The following DYNC2H1 variants were observed in gnomAD, a reference collection of about 807,000 sequenced individuals.
DYNC2H1 encodes dynein cytoplasmic 2 heavy chain 1.
A neutral mutation model predicts 570.0 loss-of-function variants in DYNC2H1; 410 were observed. The observed-to-expected ratio is 0.72, with a 90% CI of 0.66 to 0.78. The LOEUF is 0.78. Ranked by LOEUF, DYNC2H1 falls within the 30% of genes least tolerant of loss-of-function variation. The probability of loss-of-function intolerance (pLI) is 0.00; values close to 1 mark genes in which losing one functional copy is unlikely to be tolerated. For missense variants in DYNC2H1, 4,865 were observed against 5,046.4 expected (o/e 0.96, Z 1.09); for synonymous variants, 1,688 against 1,677.6 (o/e 1.01, Z -0.15).
chr11:103,471,075 CTGT>C (rs1198609848), intron 88 of DYNC2H1, among the ~76,000 whole-genome samples: 1 of 152,134 alleles, frequency 6.6e-6, no homozygotes, highest in South Asian at 2.1e-4. Flanking sequence ...TCTCCAGCAC[CTGT>C]TGTTTCCTGA....
At chr11:103,408,671 C>T (rs1942964191) in intron 84 of DYNC2H1, among the ~76,000 whole-genome samples, 1 of 151,990 alleles carries the variant, frequency 6.6e-6, no homozygotes, top group African/African-American at 2.4e-5. Context: ...ATTAGGATGT[C>T]CTGATCCAAC....
At chr11:103,411,140 G>A (rs143282554) in intron 84 of DYNC2H1, among the ~76,000 whole-genome samples, 13 of 152,198 alleles carry the variant, frequency 8.5e-5, no homozygotes, top group East Asian at 3.9e-4. Context: ...ATACTTCAGC[G>A]TAAAGTTAAT....
intron 83 of DYNC2H1, among the ~76,000 whole-genome samples, chr11:103,389,533 C>T (rs1198140450): frequency 6.6e-6 from 1 of 152,106 alleles, no homozygotes; most frequent in African/African-American, 2.4e-5. Flanking sequence ...TTCTTGCTTT[C>T]AGCTAGCTGT....
intron 55 of DYNC2H1, among the ~76,000 whole-genome samples, chr11:103,219,261 C>T (rs982805893): frequency 3.3e-5 from 5 of 152,070 alleles, no homozygotes; most frequent in African/African-American, 7.2e-5. Context: ...CAAATATATA[C>T]AAAGATGTTC....
At position 103,166,052 on chromosome 11, in the gene DYNC2H1, T is replaced by G. The variant is rs1861292556; in HGVS notation, c.4762+4T>G. 1 of 1,498,554 alleles carries G rather than the reference T, an allele frequency of 6.7e-7. No individual in the cohort carries two copies. Among genetic ancestry groups the G allele is most frequent in the African/African-American group, 1.4e-5 (1 of 71,142 alleles). 92.8% of individuals were successfully genotyped at this position (1,498,554 alleles called of 1,614,324 possible). Reference sequence around the variant, plus strand: ...TCTGAGGATCCAGGGAATACTGGTATGGAAAAGACATTCCCTTTTCTGCCT... The same window carrying G: ...TCTGAGGATCCAGGGAATACTGGTAGGGAAAAGACATTCCCTTTTCTGCCT... On this transcript the variant is annotated splice_donor_region_variant and intron_variant, in intron 31 of 88. Coordinates refer to ENST00000375735, the MANE Select transcript of DYNC2H1 (RefSeq NM_001377.3).
In DYNC2H1 at chr11:103,334,577, C is replaced by T. The variant is rs954075978; in HGVS notation, c.12039+10587C>T. The stretch of plus-strand genomic sequence containing the variant: ...TACTTTTTAAAATAAATTCAAAGTT[C>T]AGTATTGGTATCTAATATGTAACAT... On this transcript the variant is annotated intron_variant, in intron 82 of 88. Transcript: ENST00000375735. This position sits in a 1 kb window ranked among gnomAD's most constrained non-coding sequence, Gnocchi z 4.3. Among the ~76,000 whole-genome samples, 28 of 151,840 alleles carry T rather than the reference C, an allele frequency of 1.8e-4. No individual in the cohort carries two copies. Among genetic ancestry groups the T allele is most frequent in the African/African-American group, 6.8e-4 (28 of 41,416 alleles).
chr11:103,215,791 G>A lies in DYNC2H1; in HGVS notation c.8765G>A (p.Ser2922Asn), dbSNP rs1863355533. ...CTGAACAGAAAAGCTGGAGAACAAA[G>A]TGTGTTACTTAAAACGAAGCAAGAT... Reference protein sequence around the residue: ...DELNRKAGEQSVLLKTKQDEA... With the variant: ...DELNRKAGEQNVLLKTKQDEA... The change falls in exon 55 of 89, where the codon AGT becomes AAT. Residue 2922 changes from serine (S) to asparagine (N), a missense_variant. Coordinates refer to ENST00000375735, the MANE Select transcript of DYNC2H1 (RefSeq NM_001377.3). The A allele has an allele frequency of 6.2e-7, 1 of 1,612,430 alleles. No individual in the cohort carries two copies. Among genetic ancestry groups the A allele is most frequent in the Non-Finnish European group, 8.5e-7 (1 of 1,179,104 alleles).
Position 103,120,591 on chromosome 11 carries a change from A to G in DYNC2H1, c.1134+10A>G, listed in dbSNP as rs1324659954. 1 of 1,608,038 alleles carries G rather than the reference A, an allele frequency of 6.2e-7. No individual in the cohort carries two copies. Among genetic ancestry groups the G allele is most frequent in the Non-Finnish European group, 8.5e-7 (1 of 1,177,370 alleles). ...TAATCCATATACTGAGGTTGTATATATATTTGTTTATGTCTGTACAGTTTC... is the reference window on the plus strand; with the variant it reads ...TAATCCATATACTGAGGTTGTATATGTATTTGTTTATGTCTGTACAGTTTC... On this transcript the variant is annotated intron_variant, in intron 7 of 88. Coordinates refer to ENST00000375735, the MANE Select transcript of DYNC2H1 (RefSeq NM_001377.3).
intron 84 of DYNC2H1, among the ~76,000 whole-genome samples, chr11:103,401,687 G>T (rs1377044130): frequency 1.3e-5 from 2 of 152,112 alleles, no homozygotes; most frequent in Middle Eastern, 3.2e-3. Context: ...GGTAGTAATA[G>T]TACCTACCTC....
In DYNC2H1 at chr11:103,283,998, C is replaced by G. The variant is rs559159693; in HGVS notation, c.10890+913C>G. On this transcript the variant is annotated intron_variant, in intron 73 of 88. Transcript: ENST00000375735. The stretch of plus-strand genomic sequence containing the variant: ...ACCTTCTTCTAGGCCCACCTGTGCA[C>G]TTCCTTGTAAAAGCTACTTTTAACA... Among the ~76,000 whole-genome samples, 50 of 130,402 alleles carry G rather than the reference C, an allele frequency of 3.8e-4. No individual in the cohort carries two copies. The Middle Eastern group carries it at 0.023, about 59-fold the overall frequency. 85.5% of individuals were successfully genotyped at this position (130,402 alleles called of 152,430 possible).
Position 103,177,055 on chromosome 11 carries a change from A to G in DYNC2H1, c.5875-501A>G, listed in dbSNP as rs1295002533. Among the ~76,000 whole-genome samples, 1 of 152,066 alleles carries G rather than the reference A, an allele frequency of 6.6e-6. No individual in the cohort carries two copies. The highest frequency in any genetic ancestry group is 1.5e-5 in the Non-Finnish European group (1 of 68,020). On this transcript the variant is annotated intron_variant, in intron 37 of 88. Transcript: ENST00000375735. The surrounding 1 kb of genome is among the most constrained non-coding windows in gnomAD (Gnocchi z 4.4). ...TTTCATTTCTATTGCCTGTTATAGT[A>G]CCTAATGTGTAATGGATTCATCATT... is the stretch of plus-strand genomic sequence containing the variant.
intron 78 of DYNC2H1, among the ~76,000 whole-genome samples, chr11:103,310,321 G>C (rs977985757): frequency 9.9e-5 from 15 of 151,598 alleles, no homozygotes; most frequent in Non-Finnish European, 1.9e-4. Flanking sequence ...GTATTTGCTT[G>C]TATTCATACT....
intron 82 of DYNC2H1, among the ~76,000 whole-genome samples, chr11:103,354,611 G>A (rs906829919): frequency 2.6e-5 from 4 of 151,886 alleles, no homozygotes; most frequent in African/African-American, 9.7e-5. Context: ...GGTTTAAATA[G>A]TGAGGCTCTA....
intron 17 of DYNC2H1, among the ~76,000 whole-genome samples, chr11:103,137,165 A>G (rs1414170804): frequency 6.8e-6 from 1 of 147,482 alleles, no homozygotes; most frequent in Non-Finnish European, 1.5e-5. Context: ...ATTTTCTCCC[A>G]TTTTGTAGGT....
intron 12 of DYNC2H1, among the ~76,000 whole-genome samples, chr11:103,127,921 T>A (rs1453036384): frequency 1.3e-5 from 2 of 152,170 alleles, no homozygotes; most frequent in African/African-American, 2.4e-5. Context: ...TAAAACAGAA[T>A]AAAGATATTG....
intron 83 of DYNC2H1, among the ~76,000 whole-genome samples, chr11:103,389,924 G>T (rs1167752793): frequency 6.6e-6 from 1 of 152,144 alleles, no homozygotes; most frequent in Non-Finnish European, 1.5e-5. Flanking sequence ...CAACTATGTG[G>T]TCAATTTTGG....
intron 54 of DYNC2H1, among the ~76,000 whole-genome samples, chr11:103,214,446 C>CTTTTTTTTTTTTTTTTT (rs200386358): frequency 7.8e-6 from 1 of 127,448 alleles, no homozygotes; most frequent in Non-Finnish European, 1.6e-5. Context: ...ACTTCTTCTT[C>CTTTTTTTTTTTTTTTTT]TTTTTTTTTT....
chr11:103,192,128 A>G lies in DYNC2H1; in HGVS notation c.7572A>G (p.Leu2524=). ...CAAACCATCCACTAGATTATGTGTT[A>G]GAAATTGTAGCATATGAGGCACGGC... The part of the protein sequence containing the change: ...GSSNHPLDYV[L]EIVAYEARRL... The change falls in exon 47 of 89, where the codon TTA becomes TTG. Residue 2524 remains leucine (L), a synonymous_variant. Coordinates refer to ENST00000375735, the MANE Select transcript of DYNC2H1 (RefSeq NM_001377.3). 1 of 1,543,626 alleles carries G rather than the reference A, an allele frequency of 6.5e-7. No individual in the cohort carries two copies. The highest frequency in any genetic ancestry group is 8.8e-7 in the Non-Finnish European group (1 of 1,140,332).
At chr11:103,471,401 C>T (rs1272794889) in intron 88 of DYNC2H1, among the ~76,000 whole-genome samples, 5 of 152,172 alleles carry the variant, frequency 3.3e-5, no homozygotes, top group Non-Finnish European at 7.3e-5. Context: ...TCTAGTTCAG[C>T]AGACCTAAAT....
Sources: gnomAD v4.1 joint callset for allele counts (sites outside exome capture counted in the v4.1 genomes callset) on GRCh38, gnomAD v4.1.1 for gene constraint, Gnocchi (gnomAD v3.1) non-coding constraint, MANE v1.5 for transcripts, NCBI Gene and HGNC (gene_info 2026-07-23, HGNC 2026-07-21) for gene names.